The following ZZEF1 variants were observed in gnomAD, a reference collection of about 807,000 sequenced individuals.
The protein encoded by ZZEF1 is zinc finger ZZ-type and EF-hand domain containing 1, also known as zinc finger ZZ-type and EF-hand domain-containing protein 1.
ZZEF1 carries 157 observed loss-of-function variants against 342.8 expected under a neutral mutation model. The observed-to-expected ratio is 0.46, with a 90% confidence interval of 0.40 to 0.52. ZZEF1 has a LOEUF of 0.52. ZZEF1 is among the 20% of genes least tolerant of loss of function. The pLI is 0.00. For synonymous variants in ZZEF1, 1,505 were observed against 1,429.1 expected, an observed-to-expected ratio of 1.05 and a Z score of -1.20; for missense variants, 3,480 against 3,725.6, an observed-to-expected ratio of 0.93 and a Z score of 1.72.
Position 4,064,491 on chromosome 17 carries a change from G to A in ZZEF1, c.4588C>T (p.Arg1530Ter), listed in dbSNP as rs2057350907. Residue 1530 changes from arginine (R) to a stop codon, truncating the protein, a stop_gained, in exon 29 of 55, where the codon CGA (arginine) becomes TGA (stop). Coordinates refer to ENST00000381638, the MANE Select transcript of ZZEF1 (RefSeq NM_015113.4). LOFTEE classifies it high-confidence loss of function. ...AAGGAGAGCAGCCGGAGTCGCCCTCGGGTGAAGGGAGGCCGGCGGGTGGGT... is the reference window on the plus strand; with the variant it reads ...AAGGAGAGCAGCCGGAGTCGCCCTCAGGTGAAGGGAGGCCGGCGGGTGGGT... The part of the protein sequence containing the change: ...STPTRRPPFT[R>*]GRLRLLSFRS... 3 of 1,614,174 alleles carry A rather than the reference G, an allele frequency of 1.9e-6. No individual in the cohort carries two copies. Among genetic ancestry groups the A allele is most frequent in the Non-Finnish European group, 1.7e-6 (2 of 1,180,040 alleles).
At chr17:4,096,737 C>A in intron 9 of ZZEF1, 37 bp from the exon 10 acceptor site, 6 of 1,521,928 alleles carry the variant, frequency 3.9e-6, no homozygotes, top group Non-Finnish European at 5.5e-6. Flanking sequence ...GGAACTAACC[C>A]ATTTTTATAG....
At position 4,076,942 on chromosome 17, in the gene ZZEF1, A is replaced by G. The variant is rs1368413563; in HGVS notation, c.3037T>C (p.Phe1013Leu). 6.2e-7 allele frequency: 1 copy of G among 1,614,116 alleles called. No individual in the cohort carries two copies. The highest frequency in any genetic ancestry group is 8.5e-7 in the Non-Finnish European group (1 of 1,179,982). ...ATGGTTTTTCCACTGTACTGTGAGA[A>G]AAGGGATTCCAAAATCGCTCTCATG... Reference protein sequence around the residue: ...ASMRAILESLFSQYSGKTIVE... With the variant: ...ASMRAILESLLSQYSGKTIVE... Residue 1013 changes from phenylalanine (F) to leucine (L), a missense_variant, in exon 20 of 55, where the codon TTC (phenylalanine) becomes CTC (leucine). Around this residue, in one of 5 missense-constraint regions of ZZEF1, gnomAD observed 1,528 missense variants for 1,624.1 expected, o/e 0.94. Transcript: ENST00000381638.
chr17:4,131,315 G>T (rs2058658936), intron 1 of ZZEF1, among the ~76,000 whole-genome samples: 1 of 152,176 alleles, frequency 6.6e-6, no homozygotes, highest in Admixed American at 6.5e-5. Flanking sequence ...TCCTTGAGAA[G>T]ATGAAGTTGA....
At chr17:4,034,366 T>C in intron 39 of ZZEF1, 74 bp from the exon 40 acceptor site, 1 of 1,506,700 alleles carries the variant, frequency 6.6e-7, no homozygotes, top group Non-Finnish European at 9.1e-7. Flanking sequence ...TATATCTCCC[T>C]CCTACCTTAT....
chr17:4,028,061 A>AC (rs2145027645), intron 42 of ZZEF1, among the ~76,000 whole-genome samples: 1 of 152,216 alleles, frequency 6.6e-6, no homozygotes, highest in Admixed American at 6.5e-5. Flanking sequence ...ACCTTCAAAT[A>AC]ATTTCTTAAA....
chr17:4,032,719 A>G (rs1054821240), intron 41 of ZZEF1, 109 bp downstream of exon 41: 19 of 1,172,420 alleles, frequency 1.6e-5, no homozygotes, highest in Non-Finnish European at 2.3e-5. Context: ...CAAAGGAAAA[A>G]GCTTCCAAAG....
At chr17:4,119,150 G>A (rs1011691576) in intron 2 of ZZEF1, among the ~76,000 whole-genome samples, 1 of 152,248 alleles carries the variant, frequency 6.6e-6, no homozygotes, top group African/African-American at 2.4e-5. Context: ...CAAGTATCAG[G>A]AGATGTGTTA....
intron 45 of ZZEF1, among the ~76,000 whole-genome samples, chr17:4,020,494 C>A (rs1047393118): frequency 3.3e-5 from 5 of 152,062 alleles, no homozygotes; most frequent in Non-Finnish European, 5.9e-5. Context: ...AGGCGCATGC[C>A]ACACCTGGCT....
At chr17:4,022,592 A>G in intron 44 of ZZEF1, 117 bp downstream of exon 44, 1 of 1,440,324 alleles carries the variant, frequency 6.9e-7, no homozygotes. Flanking sequence ...AGTTTTCAAC[A>G]CTGTACTAAA....
Position 4,036,815 on chromosome 17 carries a change from A to ACT in ZZEF1, c.6307-2524_6307-2523insAG, listed in dbSNP as rs1416299428. Among the ~76,000 whole-genome samples, 154 of 78,702 alleles carry ACT rather than the reference A, an allele frequency of 2.0e-3. 1 individual carries two copies. The highest frequency in any genetic ancestry group is 9.5e-3 in the East Asian group (27 of 2,856). 51.6% of individuals were successfully genotyped at this position (78,702 alleles called of 152,430 possible). A position where few individuals can be genotyped will look rare whatever the true frequency, so the allele number is the denominator to read the frequency against. On this transcript the variant is annotated intron_variant, in intron 39 of 54. Coordinates refer to ENST00000381638, the MANE Select transcript of ZZEF1 (RefSeq NM_015113.4). ...CACACACACACACACACACACACAC[A>ACT]CACTCTCTCTCTCTCTCTCTCTCTC...
At chr17:4,051,844 T>C in intron 35 of ZZEF1, 127 bp downstream of exon 35, 1 of 960,172 alleles carries the variant, frequency 1.0e-6, no homozygotes, top group Non-Finnish European at 1.5e-6. Flanking sequence ...TGTGTTAGTC[T>C]CTTTACTTTT....
At chr17:4,095,783 T>C in intron 11 of ZZEF1, 48 bp downstream of exon 11, 1 of 1,549,978 alleles carries the variant, frequency 6.5e-7, no homozygotes, top group Non-Finnish European at 8.7e-7. Flanking sequence ...ACTACAAAGA[T>C]TTTTGTTCTG....
In ZZEF1 at chr17:4,134,999, G is replaced by T. The variant is rs183372273; in HGVS notation, c.354+7543C>A. On this transcript the variant is annotated intron_variant, in intron 1 of 54. Coordinates refer to ENST00000381638, the MANE Select transcript of ZZEF1 (RefSeq NM_015113.4). ...GCCTGGTGTGGCTGGAAAGGAACAG[G>T]GCAGGTGATGAAGACAGGGCTAGAG... Among the ~76,000 whole-genome samples, 5 of 152,230 alleles carry T rather than the reference G, an allele frequency of 3.3e-5. No homozygotes were observed. The East Asian group carries it at 7.7e-4, about 24-fold the overall frequency.
Position 4,123,979 on chromosome 17 carries a change from A to C in ZZEF1, c.427T>G (p.Ser143Ala). 6.2e-7 allele frequency: 1 copy of C among 1,613,954 alleles called. No individual in the cohort carries two copies. Among genetic ancestry groups the C allele is most frequent in the Non-Finnish European group, 8.5e-7 (1 of 1,179,986 alleles). ...AENMLEALKN[S>A]SGANLQGELS... is the part of the protein sequence containing the mutation. ...TCCCCCTGAAGATTAGCTCCACTGG[A>C]ATTCTTGAGGGCCTCCAACATGTTC... is the stretch of plus-strand genomic sequence containing the variant. Residue 143 changes from serine to alanine, a missense_variant, in exon 2 of 55, where the codon TCC becomes GCC. Physicochemically the swap from Ser to Ala is moderately conservative, Grantham distance 99. Transcript: ENST00000381638.
chr17:4,076,093 A>G (rs2057609360), intron 21 of ZZEF1: 1 of 151,924 alleles, frequency 6.6e-6, no homozygotes, highest in Non-Finnish European at 1.5e-5. Context: ...CATCAACTAT[A>G]AAATGATGAG....
chr17:4,052,264 G>T, intron 34 of ZZEF1, 128 bp from the exon 35 acceptor site: 1 of 866,420 alleles, frequency 1.2e-6, no homozygotes, highest in Non-Finnish European at 1.7e-6. Flanking sequence ...AGGGCCCACA[G>T]GCGTTCTCTG....
rs962169009 is a variant in ZZEF1 at position 4,123,292 on chromosome 17, T to C, written c.499+615A>G. Reference sequence around the variant, plus strand: ...CCATATATATATATATATATATATATATATATATATATATATATCAGAAAA... The same window carrying C: ...CCATATATATATATATATATATATACATATATATATATATATATCAGAAAA... On this transcript the variant is annotated intron_variant, in intron 2 of 54. Transcript: ENST00000381638. 9.9e-4 allele frequency among the ~76,000 whole-genome samples: 97 copies of C among 98,032 alleles called. 2 individuals carry two copies. The highest frequency in any genetic ancestry group is 3.5e-3 in the African/African-American group (95 of 27,242). The allele number at this position is 98,032 out of a possible 152,430, so 64.3% of individuals were successfully genotyped here.
chr17:4,142,988 A>C lies in ZZEF1; in HGVS notation c.-93T>G. 1 of 1,267,462 alleles carries C rather than the reference A, an allele frequency of 7.9e-7. No individual in the cohort carries two copies. Among genetic ancestry groups the C allele is most frequent in the African/African-American group, 1.5e-5 (1 of 64,542 alleles). 78.5% of individuals were successfully genotyped at this position (1,267,462 alleles called of 1,614,324 possible). A position where few individuals can be genotyped will look rare whatever the true frequency, so the allele number is the denominator to read the frequency against. On this transcript the variant is annotated 5_prime_UTR_variant, in exon 1 of 55. Coordinates refer to ENST00000381638, the MANE Select transcript of ZZEF1 (RefSeq NM_015113.4). ...CTCCGACAGCAGCTGGCGGGCGGGG[A>C]CGCGGAGGAGACGACGGCGGCCCCT... is the stretch of plus-strand genomic sequence containing the variant.
intron 29 of ZZEF1, among the ~76,000 whole-genome samples, chr17:4,064,063 A>AGGG (rs35156991): frequency 5.5e-5 from 8 of 144,738 alleles, no homozygotes; most frequent in African/African-American, 1.5e-4. Flanking sequence ...TTGTAGATGG[A>AGGG]GGGGGGGGGG....
Sources: allele counts gnomAD v4.1 joint callset (sites outside exome capture counted in the v4.1 genomes callset), GRCh38; gene constraint gnomAD v4.1.1; regional missense constraint gnomAD v4.1.1; transcripts MANE v1.5; gene names NCBI Gene and HGNC (gene_info 2026-07-23, HGNC 2026-07-21).